The following PIK3C3 variants were observed in gnomAD, a reference collection of about 807,000 sequenced individuals.
PIK3C3 encodes the protein phosphatidylinositol 3-kinase catalytic subunit type 3.
Under a neutral mutation model 126.1 loss-of-function variants are expected in PIK3C3, and 95 were observed. The observed-to-expected ratio is 0.75, with a 90% CI of 0.64 to 0.89. The LOEUF (loss-of-function observed/expected upper bound fraction) is 0.89, where lower values mean the gene tolerates loss of function less well. Ranked by LOEUF, PIK3C3 falls within the 40% of genes least tolerant of loss-of-function variation. The probability of loss-of-function intolerance (pLI) is 0.00; values close to 1 mark genes in which losing one functional copy is unlikely to be tolerated. For missense variants in PIK3C3, 829 were observed against 1,063.2 expected, an observed-to-expected ratio of 0.78 and a Z score of 3.06; for synonymous variants, 374 against 360.0, an observed-to-expected ratio of 1.04 and a Z score of -0.44.
intron 23 of PIK3C3, among the ~76,000 whole-genome samples, chr18:42,066,169 G>T (rs1428067599): frequency 1.3e-5 from 2 of 152,162 alleles, no homozygotes; most frequent in East Asian, 3.8e-4. Flanking sequence ...TACAGCCTTA[G>T]ATGTTCCTCC....
chr18:42,001,939 TTAG>T (rs1168288817), intron 9 of PIK3C3, among the ~76,000 whole-genome samples: 1 of 152,128 alleles, frequency 6.6e-6, no homozygotes, highest in Non-Finnish European at 1.5e-5. Flanking sequence ...ATGGAATAAG[TTAG>T]TAGGGCAATC....
chr18:42,024,456 A>G (rs1173850302), intron 13 of PIK3C3, among the ~76,000 whole-genome samples: 1 of 145,402 alleles, frequency 6.9e-6, no homozygotes, highest in Admixed American at 6.9e-5. Context: ...TTTTTTGGAG[A>G]TGAAGTTTCA....
intron 21 of PIK3C3, among the ~76,000 whole-genome samples, chr18:42,051,531 A>G (rs984800145): frequency 6.6e-6 from 1 of 152,052 alleles, no homozygotes; most frequent in Non-Finnish European, 1.5e-5. Flanking sequence ...TTCAGTTTTT[A>G]ATTATTACAT....
chr18:41,963,895 G>A (rs1281373752), intron 3 of PIK3C3, among the ~76,000 whole-genome samples: 2 of 150,206 alleles, frequency 1.3e-5, no homozygotes, highest in Non-Finnish European at 3.0e-5. Context: ...AATGGAATTA[G>A]CCCTTTGTGG....
At position 41,987,850 on chromosome 18, in the gene PIK3C3, A is replaced by G; in HGVS notation, c.570A>G (p.Val190=). ...ATCGACAAGGACACATGGTGAAAGTAGATTGGCTGGATAGATTGACATTTA... is the reference window on the plus strand; with the variant it reads ...ATCGACAAGGACACATGGTGAAAGTGGATTGGCTGGATAGATTGACATTTA... ...KAHRQGHMVK[V]DWLDRLTFRE... is the part of the protein sequence containing the mutation. The change falls in exon 5 of 25, where the codon GTA becomes GTG. Residue 190 remains valine, a synonymous_variant. Transcript: ENST00000262039. The G allele has an allele frequency of 1.2e-6, 2 of 1,607,402 alleles. No individual in the cohort carries two copies. Among genetic ancestry groups the G allele is most frequent in the East Asian group, 2.2e-5 (1 of 44,514 alleles).
At chr18:41,999,403 T>C (rs1365710931) in intron 9 of PIK3C3, among the ~76,000 whole-genome samples, 1 of 152,156 alleles carries the variant, frequency 6.6e-6, no homozygotes, top group Non-Finnish European at 1.5e-5. Context: ...AAAAAGCAGT[T>C]GGAAGAGTCA....
chr18:42,003,733 T>C (rs966824087), intron 9 of PIK3C3, among the ~76,000 whole-genome samples: 1 of 152,250 alleles, frequency 6.6e-6, no homozygotes, highest in Admixed American at 6.5e-5. Flanking sequence ...AGCCAGATCA[T>C]AGACTGTTTG....
At chr18:41,991,605 A>G (rs1981781935) in intron 6 of PIK3C3, among the ~76,000 whole-genome samples, 1 of 152,200 alleles carries the variant, frequency 6.6e-6, no homozygotes, top group African/African-American at 2.4e-5. Flanking sequence ...AAGCTGTCAC[A>G]AGTGATTTTT....
intron 5 of PIK3C3, 59 bp from the exon 6 acceptor site, chr18:41,990,400 G>A: frequency 3.2e-6 from 3 of 950,542 alleles, no homozygotes; most frequent in Non-Finnish European, 5.1e-6. Flanking sequence ...GATACATACT[G>A]ATCCTTTAAG....
chr18:41,996,751 C>T (rs1248329883), intron 9 of PIK3C3, 21 bp downstream of exon 9: 2 of 1,166,056 alleles, frequency 1.7e-6, no homozygotes, highest in Non-Finnish European at 2.5e-6. Context: ...TGAATATTTT[C>T]ATATATCAAA....
At chr18:41,993,230 T>TA in intron 6 of PIK3C3, 40 bp from the exon 7 acceptor site, 1 of 1,258,532 alleles carries the variant, frequency 7.9e-7, no homozygotes. Context: ...CCTATTGTAT[T>TA]AAATTTCTTT....
intron 12 of PIK3C3, among the ~76,000 whole-genome samples, chr18:42,017,672 TATCTA>T (rs539476465): frequency 1.7e-3 from 252 of 152,242 alleles, no homozygotes; most frequent in African/African-American, 5.8e-3. Context: ...ACCCTCTTGA[TATCTA>T]ATAATGCTTT....
At chr18:41,998,103 A>T (rs1982115010) in intron 9 of PIK3C3, among the ~76,000 whole-genome samples, 1 of 152,166 alleles carries the variant, frequency 6.6e-6, no homozygotes, top group Non-Finnish European at 1.5e-5. Context: ...GTTACAGCTC[A>T]TCTTAACTCT....
At chr18:41,990,672 TCAG>T in intron 6 of PIK3C3, 118 bp downstream of exon 6, 1 of 613,404 alleles carries the variant, frequency 1.6e-6, no homozygotes, top group Non-Finnish European at 2.9e-6. Flanking sequence ...CAGACAGCTG[TCAG>T]CAGCAGCTGT....
At chr18:42,031,363 A>G (rs887791453) in intron 15 of PIK3C3, among the ~76,000 whole-genome samples, 20 of 152,194 alleles carry the variant, frequency 1.3e-4, no homozygotes, top group Non-Finnish European at 2.6e-4. Flanking sequence ...AGTTTAGGAA[A>G]AATTATGTTA....
intron 4 of PIK3C3, among the ~76,000 whole-genome samples, chr18:41,986,400 G>A (rs1012051675): frequency 6.6e-5 from 10 of 152,008 alleles, no homozygotes; most frequent in East Asian, 3.8e-4. Flanking sequence ...ATATTGCGAA[G>A]TGAGTAAGAA....
chr18:41,993,179 A>G, intron 6 of PIK3C3, 91 bp from the exon 7 acceptor site: 1 of 642,800 alleles, frequency 1.6e-6, no homozygotes, highest in Non-Finnish European at 2.6e-6. Context: ...TGTTCATCAA[A>G]TAGAATTAAA....
chr18:42,024,679 C>G (rs930868074), intron 13 of PIK3C3, among the ~76,000 whole-genome samples: 1 of 152,126 alleles, frequency 6.6e-6, no homozygotes, highest in African/African-American at 2.4e-5. Context: ...AAGTGATTCA[C>G]CCGCCTCGGC....
chr18:41,974,099 T>A (rs1299968031), intron 4 of PIK3C3, among the ~76,000 whole-genome samples: 1 of 152,192 alleles, frequency 6.6e-6, no homozygotes, highest in Non-Finnish European at 1.5e-5. Flanking sequence ...TTTACTCACT[T>A]ATAGAACTAC....
Sources: gnomAD v4.1 joint callset for allele counts (sites outside exome capture counted in the v4.1 genomes callset) on GRCh38, gnomAD v4.1.1 for gene constraint, MANE v1.5 for transcripts, NCBI Gene and HGNC (gene_info 2026-07-23, HGNC 2026-07-21) for gene names.